Variants in CATSPERB observed in about 807,000 individuals in gnomAD.
The protein encoded by CATSPERB is catsper channel auxiliary subunit beta, also known as cation channel sperm-associated auxiliary subunit beta.
A neutral mutation model predicts 128.3 loss-of-function variants in CATSPERB; 93 were observed. The ratio of observed to expected loss-of-function variants is 0.72; its 90% CI spans 0.61 to 0.86. CATSPERB has a LOEUF of 0.86. CATSPERB is among the 40% of genes least tolerant of loss of function. CATSPERB has a pLI of 0.00. For missense variants in CATSPERB, 1,153 were observed against 1,329.5 expected (o/e 0.87, Z 2.06); for synonymous variants, 381 against 448.8 (o/e 0.85, Z 1.91).
At chr14:91,670,640 A>C (rs1442476723) in intron 13 of CATSPERB, among the ~76,000 whole-genome samples, 1 of 151,918 alleles carries the variant, frequency 6.6e-6, no homozygotes, top group African/African-American at 2.4e-5. Context: ...TGATCACACC[A>C]CTGCACTCCA....
intron 23 of CATSPERB, 36 bp downstream of exon 23, chr14:91,591,856 A>G: frequency 7.3e-7 from 1 of 1,364,434 alleles, no homozygotes. Context: ...TTAATAAGAA[A>G]GTATCCTGTA....
chr14:91,623,323 A>G (rs1003562518), intron 18 of CATSPERB, among the ~76,000 whole-genome samples: 1 of 152,090 alleles, frequency 6.6e-6, no homozygotes, highest in African/African-American at 2.4e-5. Flanking sequence ...ACCTGGTTTG[A>G]CACACTCTTA....
At chr14:91,597,822 T>C (rs563669031) in intron 22 of CATSPERB, among the ~76,000 whole-genome samples, 144 of 152,316 alleles carry the variant, frequency 9.5e-4, no homozygotes, top group Non-Finnish European at 1.7e-3. Context: ...GTGTCCTTTT[T>C]AGACCCAGGA....
At chr14:91,596,788 CTTCCTGT>C (rs1893513867) in intron 22 of CATSPERB, among the ~76,000 whole-genome samples, 2 of 152,102 alleles carry the variant, frequency 1.3e-5, no homozygotes, top group South Asian at 4.1e-4. Context: ...TTTGACAATG[CTTCCTGT>C]ATAATTTTTA....
At position 91,669,818 on chromosome 14, in the gene CATSPERB, T is replaced by A. The variant is rs1220417989; in HGVS notation, c.1283A>T (p.Asn428Ile). The A allele has an allele frequency of 4.3e-6, 7 of 1,610,766 alleles. No homozygotes were observed. Among genetic ancestry groups the A allele is most frequent in the Non-Finnish European group, 5.9e-6 (7 of 1,178,664 alleles). ...PRSHFLYAYG[N>I]QIWLSVDGGN... ...TGAAGTTCCATGTGTACGCACCTGA[T>A]TGCCATAAGCATACAAAAAGTGGCT... The change falls in exon 14 of 27, where the codon AAT becomes ATT. Residue 428 changes from asparagine (N) to isoleucine (I), a missense_variant. Physicochemically the swap from Asn to Ile is moderately radical, Grantham distance 149. Transcript: ENST00000256343.
intron 17 of CATSPERB, among the ~76,000 whole-genome samples, chr14:91,629,833 G>T (rs776645710): frequency 6.6e-6 from 1 of 152,150 alleles, no homozygotes; most frequent in Admixed American, 6.6e-5. Context: ...TGTTCCAGAA[G>T]AGGAGAGAAA....
chr14:91,626,172 A>T (rs1321776303), intron 17 of CATSPERB, among the ~76,000 whole-genome samples: 1 of 152,066 alleles, frequency 6.6e-6, no homozygotes, highest in African/African-American at 2.4e-5. Context: ...TTAAATATAA[A>T]ATGTAAAACT....
intron 3 of CATSPERB, among the ~76,000 whole-genome samples, chr14:91,723,641 T>C (rs1896069691): frequency 6.6e-6 from 1 of 152,224 alleles, no homozygotes; most frequent in South Asian, 2.1e-4. Context: ...CCAAGAGCTT[T>C]ATTTCAATTA....
chr14:91,649,312 AAC>A lies in CATSPERB; in HGVS notation c.1433-10064_1433-10063del, dbSNP rs1192280455. ...TCCTTTGCTTTAATACATATACACA[AAC>A]TTAAATGTATACATATATGTGTGTG... On this transcript the variant is annotated intron_variant, in intron 15 of 26. Transcript: ENST00000256343. Among the ~76,000 whole-genome samples, 29 of 139,458 alleles carry A rather than the reference AAC, an allele frequency of 2.1e-4. No homozygotes were observed. The South Asian group carries it at 5.2e-3, about 25-fold the overall frequency. 91.5% of individuals were successfully genotyped at this position (139,458 alleles called of 152,430 possible).
At chr14:91,603,135 A>G in intron 22 of CATSPERB, 1 of 787,204 alleles carries the variant, frequency 1.3e-6, no homozygotes, top group African/African-American at 1.7e-5. Flanking sequence ...TCTGGTATCC[A>G]CTCTTCCTTG....
At chr14:91,659,727 CT>C in intron 15 of CATSPERB, 109 bp downstream of exon 15, 2 of 1,054,028 alleles carry the variant, frequency 1.9e-6, no homozygotes, top group Non-Finnish European at 1.4e-6. Flanking sequence ...TCCATCACCC[CT>C]AATAGTTTTG....
At chr14:91,628,541 C>T (rs187903237) in intron 17 of CATSPERB, among the ~76,000 whole-genome samples, 179 of 152,142 alleles carry the variant, frequency 1.2e-3, no homozygotes, top group Non-Finnish European at 2.1e-3. Flanking sequence ...ATCATGGGGG[C>T]GGTTTTCCCC....
chr14:91,727,386 G>T (rs1312115682), intron 2 of CATSPERB, among the ~76,000 whole-genome samples: 1 of 152,126 alleles, frequency 6.6e-6, no homozygotes, highest in Non-Finnish European at 1.5e-5. Context: ...CCATGCCAAA[G>T]ATTGGATTTA....
At chr14:91,633,793 G>T (rs1359815638) in intron 17 of CATSPERB, among the ~76,000 whole-genome samples, 1 of 151,020 alleles carries the variant, frequency 6.6e-6, no homozygotes, top group Non-Finnish European at 1.5e-5. Context: ...AATGATAAAG[G>T]GTTTAAGAAA....
chr14:91,704,602 CA>C lies in CATSPERB; in HGVS notation c.565del (p.Cys189ValfsTer8). The C allele has an allele frequency of 6.2e-7, 1 of 1,611,786 alleles. No homozygotes were observed. Among genetic ancestry groups the C allele is most frequent in the East Asian group, 2.3e-5 (1 of 44,436 alleles). ...VVDLKVTKCP[C>X]ANDVALLGFI... ...GCCTAGTAATGCCACATCATTGGCA[CA>C]GGGGCATTTTGTCACTTTGAGATCT... On this transcript the variant is annotated frameshift_variant, in exon 7 of 27. Coordinates refer to ENST00000256343, the MANE Select transcript of CATSPERB (RefSeq NM_024764.4). LOFTEE classifies it high-confidence loss of function.
At chr14:91,583,073 C>T (rs1290052904) in intron 26 of CATSPERB, among the ~76,000 whole-genome samples, 1 of 152,174 alleles carries the variant, frequency 6.6e-6, no homozygotes, top group African/African-American at 2.4e-5. Context: ...GAATGCCTTC[C>T]TTGTTCATTT....
In CATSPERB at chr14:91,636,510, CA is replaced by C. The variant is rs772403112; in HGVS notation, c.1656del (p.Phe552LeufsTer26). 6.2e-7 allele frequency: 1 copy of C among 1,613,820 alleles called. No homozygotes were observed. The highest frequency in any genetic ancestry group is 8.5e-7 in the Non-Finnish European group (1 of 1,179,934). ...TGGGGTTCGTTCTCAGGTACATATG[CA>C]AAAAAGATAATTTCATCTAAGGAGG... is the stretch of plus-strand genomic sequence containing the variant. ...QHTSLDEIIFFAYVPENEPQE... is the reference protein window; with the variant it reads ...QHTSLDEIIFXAYVPENEPQE... On this transcript the variant is annotated frameshift_variant, in exon 17 of 27. Transcript: ENST00000256343. LOFTEE classifies it high-confidence loss of function.
rs768319532 is a variant in CATSPERB at position 91,610,626 on chromosome 14, C to T, written c.2452G>A (p.Val818Ile). Residue 818 changes from valine to isoleucine, a missense_variant, in exon 21 of 27, where the codon GTT (valine) becomes ATT (isoleucine). Transcript: ENST00000256343. ...IMWSASTECF[V>I]TTMVPTLKSS... ...TTCAGTGTTGGCACCATTGTCGTAACAAAGCACTCAGTAGAGGCTGACCAC... is the reference window on the plus strand; with the variant it reads ...TTCAGTGTTGGCACCATTGTCGTAATAAAGCACTCAGTAGAGGCTGACCAC... 9 of 1,612,578 alleles carry T rather than the reference C, an allele frequency of 5.6e-6. No homozygotes were observed. The highest frequency in any genetic ancestry group is 7.6e-6 in the Non-Finnish European group (9 of 1,178,894).
At chr14:91,636,606 T>C (rs535552161) in intron 16 of CATSPERB, 27 bp from the exon 17 acceptor site, 3 of 1,570,510 alleles carry the variant, frequency 1.9e-6, no homozygotes, top group South Asian at 1.2e-5. Context: ...GAAAATATTA[T>C]ATTTAAACTA....
Sources: gnomAD v4.1 joint callset for allele counts (sites outside exome capture counted in the v4.1 genomes callset) on GRCh38, gnomAD v4.1.1 for gene constraint, MANE v1.5 for transcripts, NCBI Gene and HGNC (gene_info 2026-07-23, HGNC 2026-07-21) for gene names.